NHSL2: variants seen among roughly 807,000 people sequenced by gnomAD.
The protein encoded by NHSL2 is NHS like 2.
NHSL2 carries 27 observed loss-of-function variants against 53.4 expected under a neutral mutation model. The ratio of observed to expected loss-of-function variants is 0.51; its 90% CI spans 0.37 to 0.70. NHSL2 has a LOEUF of 0.70. Among genes scored for constraint, NHSL2 ranks in the 30% least tolerant of loss-of-function variants. NHSL2 has a pLI of 0.00. For missense variants in NHSL2, 892 were observed against 980.1 expected (o/e 0.91, Z 1.20); for synonymous variants, 408 against 404.1 (o/e 1.01, Z -0.12).
At chrX:72,036,213 A>G (rs2042240710) in intron 1 of NHSL2, among the ~76,000 whole-genome samples, 1 of 111,679 alleles carries the variant, frequency 9.0e-6, no homozygotes. Context: ...TCCTTCTCTG[A>G]GAATTTTTTG....
chrX:72,136,617 G>A (rs1232751849), intron 4 of NHSL2, among the ~76,000 whole-genome samples: 1 of 111,618 alleles, frequency 9.0e-6, no homozygotes, highest in African/African-American at 3.3e-5. Flanking sequence ...TGGAGACACT[G>A]GCCTCACCTG....
intron 1 of NHSL2, among the ~76,000 whole-genome samples, chrX:71,921,911 TA>T (rs1446885086): frequency 1.2e-4 from 13 of 112,328 alleles, no homozygotes; most frequent in African/African-American, 4.2e-4. Context: ...ATTGTGTTAA[TA>T]ATACGGCATA....
chrX:71,917,862 C>T (rs1247189400), intron 1 of NHSL2, among the ~76,000 whole-genome samples: 1 of 111,418 alleles, frequency 9.0e-6, no homozygotes, highest in Non-Finnish European at 1.9e-5. Flanking sequence ...AGCAAGGCAC[C>T]TCCTGACTCA....
chrX:72,102,695 T>C lies in NHSL2; in HGVS notation c.281-29384T>C, dbSNP rs1023763408. Among the ~76,000 whole-genome samples the C allele has an allele frequency of 5.3e-5, 6 of 112,638 alleles. No individual in the cohort carries two copies. In the Admixed American group the frequency reaches 5.6e-4, roughly 11 times the overall value. ...TTCATTATTCTTAACAGATATAATT[T>C]GTAAGTCACAGAATATTGTTTCTTG... On this transcript the variant is annotated intron_variant, in intron 1 of 7. Transcript: ENST00000633930.
Position 72,140,262 on chromosome X carries a change from C to T in NHSL2, c.2714C>T (p.Pro905Leu). ...YALTSPTLAM[P>L]PRSSIQHARP... ...CTAACTTCACCAACCTTGGCTATGC[C>T]CCCCAGGAGCTCAATTCAACATGCG... Residue 905 changes from proline to leucine, a missense_variant, in exon 6 of 8, where the codon CCC becomes CTC. Pro to Leu is a moderately conservative substitution (Grantham distance 98). Transcript: ENST00000633930. The T allele has an allele frequency of 8.3e-7, 1 of 1,209,943 alleles. No homozygotes were observed. The highest frequency in any genetic ancestry group is 1.1e-6 in the Non-Finnish European group (1 of 894,788).
intron 1 of NHSL2, among the ~76,000 whole-genome samples, chrX:71,963,380 A>G (rs1421460684): frequency 2.7e-5 from 3 of 111,822 alleles, no homozygotes; most frequent in African/African-American, 6.5e-5. Context: ...ATAAAAAGCT[A>G]TGAGACATAT....
intron 1 of NHSL2, among the ~76,000 whole-genome samples, chrX:72,042,172 C>T (rs774321686): frequency 8.9e-6 from 1 of 112,951 alleles, no homozygotes; most frequent in South Asian, 3.6e-4. Flanking sequence ...AGGCCCTGCC[C>T]CCAGATGTTC....
At position 72,143,971 on chromosome X, in the gene NHSL2, T is replaced by C. The variant is rs2042440375; in HGVS notation, c.*397T>C. The C allele has an allele frequency of 1.6e-5, 2 of 127,248 alleles. No homozygotes were observed. The highest frequency in any genetic ancestry group is 5.2e-4 in the South Asian group (2 of 3,869). 10.5% of individuals were successfully genotyped at this position (127,248 alleles called of 1,213,427 possible). A position where few individuals can be genotyped will look rare whatever the true frequency, so the allele number is the denominator to read the frequency against. On this transcript the variant is annotated 3_prime_UTR_variant, in exon 8 of 8. Transcript: ENST00000633930. ...GAGAGCAGATTGGAGGCTGCCAAACTTGGGGGGCATAGGGTGCCATTGCTT... is the reference window on the plus strand; with the variant it reads ...GAGAGCAGATTGGAGGCTGCCAAACCTGGGGGGCATAGGGTGCCATTGCTT...
chrX:72,116,792 G>T (rs2042142691), intron 1 of NHSL2, among the ~76,000 whole-genome samples: 1 of 111,268 alleles, frequency 9.0e-6, no homozygotes, highest in African/African-American at 3.3e-5. Flanking sequence ...CAGCTAGGGG[G>T]TGCTCATGGG....
At chrX:71,991,818 T>TCTCTCTC (rs778925898) in intron 1 of NHSL2, among the ~76,000 whole-genome samples, 10 of 99,857 alleles carry the variant, frequency 1.0e-4, no homozygotes, top group African/African-American at 3.9e-4. Flanking sequence ...GTCTTTCTCT[T>TCTCTCTC]TCTCTCTCTC....
At chrX:72,062,162 A>G (rs182609973) in intron 1 of NHSL2, among the ~76,000 whole-genome samples, 46 of 112,306 alleles carry the variant, frequency 4.1e-4, no homozygotes, top group African/African-American at 1.4e-3. Flanking sequence ...AGAGTGCAAT[A>G]CATGTTTGTT....
rs1350350428 is a variant in NHSL2, at chrX:72,130,446, G to A, written c.281-1633G>A. 3.3e-6 allele frequency: 4 copies of A among 1,207,043 alleles called. No homozygotes were observed. In the Admixed American group the frequency reaches 6.6e-5, roughly 20 times the overall value. ...TCATCTCTTGCTGAAAAGCCCTCAT[G>A]CGCTTCCTCTGGTCCTTGGAGTGAA... On this transcript the variant is annotated intron_variant, in intron 1 of 7. Transcript: ENST00000633930.
At chrX:71,942,501 T>G (rs1249460739) in intron 1 of NHSL2, among the ~76,000 whole-genome samples, 1 of 112,328 alleles carries the variant, frequency 8.9e-6, no homozygotes, top group Admixed American at 9.4e-5. Context: ...TAGTGAAACA[T>G]GAAATAATTT....
At position 71,912,918 on chromosome X, in the gene NHSL2, G is replaced by A. The variant is rs183688853; in HGVS notation, c.280+1551G>A. On this transcript the variant is annotated intron_variant, in intron 1 of 7. Transcript: ENST00000633930. ...CTGAATTAGCAAGCCCTTTCTGTGG[G>A]AGGGAAGGCAGGGCTTCACCAAGTC... 3.8e-3 allele frequency among the ~76,000 whole-genome samples: 424 copies of A among 111,894 alleles called. 4 individuals are homozygous for A. The highest frequency in any genetic ancestry group is 6.6e-3 in the Admixed American group (70 of 10,607).
At chrX:72,076,035 G>C (rs2041739653) in intron 1 of NHSL2, among the ~76,000 whole-genome samples, 1 of 110,788 alleles carries the variant, frequency 9.0e-6, no homozygotes, top group African/African-American at 3.3e-5. Context: ...CTGGGTTCAA[G>C]CGATTCTCCT....
chrX:72,011,307 T>C (rs1468761828), intron 1 of NHSL2, among the ~76,000 whole-genome samples: 1 of 112,629 alleles, frequency 8.9e-6, no homozygotes, highest in African/African-American at 3.2e-5. Flanking sequence ...TTCATTTCTC[T>C]GGGATAAATG....
chrX:72,132,175 C>A lies in NHSL2; in HGVS notation c.377C>A (p.Pro126His). Reference sequence around the variant, plus strand: ...AACGTGTTCCTCTCCTCGGGCAGGCCCCCGAGTGTAGAGGAGCTGCTTCGG... The same window carrying A: ...AACGTGTTCCTCTCCTCGGGCAGGCACCCGAGTGTAGAGGAGCTGCTTCGG... ...PVNVFLSSGR[P>H]PSVEELLREA... The change falls in exon 2 of 8, where the codon CCC (proline) becomes CAC (histidine). Residue 126 changes from proline (P) to histidine (H), a missense_variant. Physicochemically the swap from Pro to His is moderately conservative, Grantham distance 77. Coordinates refer to ENST00000633930, the MANE Select transcript of NHSL2 (RefSeq NM_001013627.3). The A allele has an allele frequency of 8.6e-7, 1 of 1,166,037 alleles. No homozygotes were observed. Among genetic ancestry groups the A allele is most frequent in the Non-Finnish European group, 1.1e-6 (1 of 871,962 alleles).
At chrX:71,947,209 A>G (rs181668224) in intron 1 of NHSL2, among the ~76,000 whole-genome samples, 80 of 110,286 alleles carry the variant, frequency 7.3e-4, no homozygotes, top group African/African-American at 2.4e-3. Context: ...ACCTGTTCAC[A>G]CTCCAGGAGC....
Position 72,022,248 on chromosome X carries a change from A to G in NHSL2, c.281-109831A>G, listed in dbSNP as rs377170456. 6.3e-5 allele frequency among the ~76,000 whole-genome samples: 7 copies of G among 111,876 alleles called. No individual in the cohort carries two copies. The East Asian group carries it at 1.7e-3, about 27-fold the overall frequency. ...CCCAACTCACAGATGAGGCCAATAA[A>G]TATTATTATACTATAATAAGCCTCT... is the stretch of plus-strand genomic sequence containing the variant. On this transcript the variant is annotated intron_variant, in intron 1 of 7. Coordinates refer to ENST00000633930, the MANE Select transcript of NHSL2 (RefSeq NM_001013627.3).
Sources: gnomAD v4.1 joint callset for allele counts (sites outside exome capture counted in the v4.1 genomes callset) on GRCh38, gnomAD v4.1.1 for gene constraint, MANE v1.5 for transcripts, NCBI Gene and HGNC (gene_info 2026-07-23, HGNC 2026-07-21) for gene names.